KCNIP4: variants seen among roughly 807,000 people sequenced by gnomAD.
KCNIP4 encodes potassium voltage-gated channel interacting protein 4.
In KCNIP4, 12 loss-of-function variants were observed where a neutral mutation model predicts 34.0. The observed-to-expected ratio is 0.35, with a 90% confidence interval of 0.23 to 0.57. The LOEUF (loss-of-function observed/expected upper bound fraction) is 0.57, where lower values mean the gene tolerates loss of function less well. KCNIP4 is among the 20% of genes least tolerant of loss of function. KCNIP4 has a pLI of 0.83. For synonymous variants in KCNIP4, 124 were observed against 102.2 expected (o/e 1.21, Z -1.29); for missense variants, 238 against 311.7 (o/e 0.76, Z 1.78).
intron 1 of KCNIP4, among the ~76,000 whole-genome samples, chr4:21,807,168 G>A (rs1014067923): frequency 6.6e-6 from 1 of 152,160 alleles, no homozygotes; most frequent in Non-Finnish European, 1.5e-5. Flanking sequence ...CCACTAATCT[G>A]ACAGAAGGTG....
chr4:20,838,746 A>T (rs1403818095), intron 3 of KCNIP4, among the ~76,000 whole-genome samples: 1 of 152,200 alleles, frequency 6.6e-6, no homozygotes, highest in Non-Finnish European at 1.5e-5. Context: ...ATCCTGCTAG[A>T]GCAGAGCTGC....
chr4:21,482,583 C>T (rs553796034), intron 1 of KCNIP4, among the ~76,000 whole-genome samples: 11 of 152,228 alleles, frequency 7.2e-5, no homozygotes, highest in Non-Finnish European at 1.3e-4. Context: ...TTTAGTTTGG[C>T]TGCATATGAA....
rs78486973 is a variant in KCNIP4, at chr4:21,429,272, T to C, written c.61+519299A>G. 3.3e-3 allele frequency among the ~76,000 whole-genome samples: 495 copies of C among 151,434 alleles called. 2 individuals carry two copies. Among genetic ancestry groups the C allele is most frequent in the African/African-American group, 0.012 (475 of 41,260 alleles). ...TCTTTTCAGAGTAGCTTCCTTCACT[T>C]AGTCATATGCATTTAAGGTCCCTCC... On this transcript the variant is annotated intron_variant, in intron 1 of 8. Coordinates refer to ENST00000382152, the MANE Select transcript of KCNIP4 (RefSeq NM_025221.6).
chr4:21,299,618 C>A (rs1003713191), intron 1 of KCNIP4, among the ~76,000 whole-genome samples: 1 of 152,174 alleles, frequency 6.6e-6, no homozygotes, highest in South Asian at 2.1e-4. Flanking sequence ...CTGGAGGAAC[C>A]AGAATGCTGG....
At chr4:21,408,996 T>A (rs774098914) in intron 1 of KCNIP4, among the ~76,000 whole-genome samples, 1 of 152,222 alleles carries the variant, frequency 6.6e-6, no homozygotes, top group Non-Finnish European at 1.5e-5. Context: ...ACTTTAAATG[T>A]GGCCAATGAG....
chr4:21,169,045 T>C (rs1262478813), intron 1 of KCNIP4, among the ~76,000 whole-genome samples: 3 of 152,196 alleles, frequency 2.0e-5, no homozygotes, highest in Non-Finnish European at 2.9e-5. Context: ...CATTCACAGG[T>C]ACATTTATTT....
intron 1 of KCNIP4, among the ~76,000 whole-genome samples, chr4:21,017,210 A>G (rs915012969): frequency 3.3e-5 from 5 of 152,240 alleles, no homozygotes; most frequent in African/African-American, 1.2e-4. Context: ...TTTAAGTTCC[A>G]GGATACATGT....
At chr4:21,128,028 A>G (rs1360412387) in intron 1 of KCNIP4, among the ~76,000 whole-genome samples, 1 of 152,208 alleles carries the variant, frequency 6.6e-6, no homozygotes, top group Non-Finnish European at 1.5e-5. Flanking sequence ...ATAATCATCT[A>G]TGTTTATTAA....
chr4:21,304,137 A>C, intron 1 of KCNIP4: 1 of 510,196 alleles, frequency 2.0e-6, no homozygotes, highest in Non-Finnish European at 3.1e-6. Flanking sequence ...AGAGAGAGAG[A>C]AGGGAAAAGA....
chr4:21,029,915 C>T lies in KCNIP4; in HGVS notation c.62-147206G>A, dbSNP rs528573977. Among the ~76,000 whole-genome samples, 78 of 152,292 alleles carry T rather than the reference C, an allele frequency of 5.1e-4. 2 individuals are homozygous for T. In the South Asian group the frequency reaches 0.016, roughly 31 times the overall value. ...CCTACTATACAAAAAACCTTAGTCT[C>T]AATAGTTTGAACAGTTTCTTCTATG... On this transcript the variant is annotated intron_variant, in intron 1 of 8. Transcript: ENST00000382152.
chr4:20,812,588 A>G (rs1360091042), intron 3 of KCNIP4, among the ~76,000 whole-genome samples: 1 of 152,176 alleles, frequency 6.6e-6, no homozygotes, highest in African/African-American at 2.4e-5. Flanking sequence ...GAGGATGAAC[A>G]CGTGATTGAT....
intron 1 of KCNIP4, among the ~76,000 whole-genome samples, chr4:21,636,861 T>C (rs747292466): frequency 1.3e-5 from 2 of 152,200 alleles, no homozygotes; most frequent in Non-Finnish European, 2.9e-5. Context: ...TTCGACAGAA[T>C]TGTGAATCCA....
chr4:20,770,242 C>T (rs576283658), intron 3 of KCNIP4, among the ~76,000 whole-genome samples: 131 of 152,132 alleles, frequency 8.6e-4, no homozygotes, highest in South Asian at 5.2e-3. Flanking sequence ...TAGTTTAATG[C>T]GATTTGAAAA....
chr4:21,258,098 C>G (rs544508689), intron 1 of KCNIP4, among the ~76,000 whole-genome samples: 1 of 152,250 alleles, frequency 6.6e-6, no homozygotes, highest in South Asian at 2.1e-4. Flanking sequence ...CCTTTCCAAA[C>G]ACTTTCTCAT....
intron 1 of KCNIP4, among the ~76,000 whole-genome samples, chr4:21,106,852 T>G (rs1348653022): frequency 6.6e-6 from 1 of 151,734 alleles, no homozygotes; most frequent in Non-Finnish European, 1.5e-5. Context: ...CATTTCGTTA[T>G]GTACCCAGTA....
intron 1 of KCNIP4, among the ~76,000 whole-genome samples, chr4:20,990,603 T>C (rs1737004514): frequency 6.6e-6 from 1 of 152,208 alleles, no homozygotes; most frequent in South Asian, 2.1e-4. Flanking sequence ...TATGTAATCT[T>C]CACATAAACA....
intron 1 of KCNIP4, among the ~76,000 whole-genome samples, chr4:21,432,215 A>G (rs1484708937): frequency 3.4e-5 from 5 of 148,180 alleles, no homozygotes; most frequent in Non-Finnish European, 6.0e-5. Flanking sequence ...ACATCAAGAC[A>G]TTATTCCATG....
chr4:21,340,932 A>T (rs1309123154), intron 1 of KCNIP4, among the ~76,000 whole-genome samples: 1 of 152,188 alleles, frequency 6.6e-6, no homozygotes, highest in African/African-American at 2.4e-5. Flanking sequence ...AAATATTAAC[A>T]TCGGTGGGAA....
intron 1 of KCNIP4, among the ~76,000 whole-genome samples, chr4:21,361,472 C>T (rs1311448410): frequency 6.6e-6 from 1 of 151,680 alleles, no homozygotes; most frequent in Non-Finnish European, 1.5e-5. Context: ...CATTATCTAG[C>T]ACACAGTTAA....
Sources: allele counts gnomAD v4.1 joint callset (sites outside exome capture counted in the v4.1 genomes callset), GRCh38; gene constraint gnomAD v4.1.1; transcripts MANE v1.5; gene names NCBI Gene and HGNC (gene_info 2026-07-23, HGNC 2026-07-21).